The following ADCY2 variants were observed in gnomAD, a reference collection of about 807,000 sequenced individuals.
ADCY2 encodes adenylate cyclase 2.
In ADCY2, 31 loss-of-function variants were observed where a neutral mutation model predicts 125.2. The observed-to-expected ratio is 0.25, with a 90% confidence interval of 0.19 to 0.33. ADCY2 has a LOEUF of 0.33. ADCY2 is among the 10% of genes least tolerant of loss of function. The pLI is 1.00. For missense variants in ADCY2, 904 were observed against 1,418.2 expected (o/e 0.64, Z 5.82); for synonymous variants, 512 against 548.4 (o/e 0.93, Z 0.93).
chr5:7,505,215 T>G (rs1247956461), intron 2 of ADCY2, among the ~76,000 whole-genome samples: 1 of 152,198 alleles, frequency 6.6e-6, no homozygotes, highest in African/African-American at 2.4e-5. Flanking sequence ...CAAAGCCTGT[T>G]AAGTGTGTAG....
chr5:7,709,510 C>G lies in ADCY2; in HGVS notation c.1578+123C>G, dbSNP rs574770476. 8.4e-7 allele frequency: 1 copy of G among 1,188,158 alleles called. No homozygotes were observed. Among genetic ancestry groups the G allele is most frequent in the African/African-American group, 1.5e-5 (1 of 64,778 alleles). 73.6% of individuals were successfully genotyped at this position (1,188,158 alleles called of 1,614,324 possible). ...TAAGAAACAAACTTATCACCTTCTT[C>G]TTCTCAGAGAGGCCCTTATGAACAA... is the stretch of plus-strand genomic sequence containing the variant. On this transcript the variant is annotated intron_variant, in intron 10 of 24. Transcript: ENST00000338316. This position sits in a 1 kb window ranked among gnomAD's most constrained non-coding sequence, Gnocchi z 4.4.
In ADCY2 at chr5:7,828,698, A is replaced by G. The variant is rs961927663; in HGVS notation, c.*1827A>G. On this transcript the variant is annotated 3_prime_UTR_variant, in exon 25 of 25. Transcript: ENST00000338316. The stretch of plus-strand genomic sequence containing the variant: ...CAAAAACAGTGATTAAAGCAAGAGA[A>G]TTATTACAAGGGCTTTTCTCTTTCC... The G allele has an allele frequency of 6.6e-6, 1 of 152,346 alleles. No homozygotes were observed. The highest frequency in any genetic ancestry group is 2.4e-5 in the African/African-American group (1 of 41,446). 9.4% of individuals were successfully genotyped at this position (152,346 alleles called of 1,614,324 possible).
chr5:7,800,907 G>T, intron 20 of ADCY2: 1 of 152,186 alleles, frequency 6.6e-6, no homozygotes, highest in Non-Finnish European at 1.5e-5. Flanking sequence ...CAGAGAGAGA[G>T]AAAACACAAT....
chr5:7,462,473 A>G (rs977489898), intron 2 of ADCY2, among the ~76,000 whole-genome samples: 7 of 152,246 alleles, frequency 4.6e-5, no homozygotes, highest in Non-Finnish European at 8.8e-5. Context: ...TAAGCAATGT[A>G]GTTGACACTT....
chr5:7,506,302 T>C (rs1232679160), intron 2 of ADCY2, among the ~76,000 whole-genome samples: 2 of 152,188 alleles, frequency 1.3e-5, no homozygotes, highest in East Asian at 1.9e-4. Flanking sequence ...ATATAAAATA[T>C]GCAGACTATT....
chr5:7,417,483 A>G (rs1426629954), intron 2 of ADCY2, among the ~76,000 whole-genome samples: 1 of 152,174 alleles, frequency 6.6e-6, no homozygotes, highest in Non-Finnish European at 1.5e-5. Flanking sequence ...CAGGATTTCT[A>G]ATTGAGTGGG....
intron 2 of ADCY2, among the ~76,000 whole-genome samples, chr5:7,513,245 G>A (rs1369185217): frequency 6.6e-6 from 1 of 152,144 alleles, no homozygotes; most frequent in Non-Finnish European, 1.5e-5. Flanking sequence ...TGACAGTTTA[G>A]CATTAGACAT....
intron 2 of ADCY2, among the ~76,000 whole-genome samples, chr5:7,444,794 A>G (rs974544888): frequency 2.6e-5 from 4 of 152,144 alleles, no homozygotes; most frequent in Admixed American, 1.3e-4. Flanking sequence ...AGGTGAGTGC[A>G]TTATCACACA....
At chr5:7,635,897 C>T (rs57455470) in intron 4 of ADCY2, among the ~76,000 whole-genome samples, 6,396 of 152,240 alleles carry the variant, frequency 0.042, 430 homozygotes, top group African/African-American at 0.14. Flanking sequence ...CCTGCCCTGA[C>T]GGGGATCCTG....
intron 22 of ADCY2, among the ~76,000 whole-genome samples, chr5:7,813,579 T>G (rs1745008925): frequency 6.6e-6 from 1 of 152,264 alleles, no homozygotes; most frequent in South Asian, 2.1e-4. Context: ...AACTGCTTCA[T>G]ACTGCCATCA....
intron 14 of ADCY2, among the ~76,000 whole-genome samples, chr5:7,736,666 T>C (rs556508538): frequency 1.3e-5 from 2 of 152,186 alleles, no homozygotes; most frequent in South Asian, 4.1e-4. Flanking sequence ...TTAGGTCTAT[T>C]TGACCTGACT....
Position 7,727,254 on chromosome 5 carries a change from C to G in ADCY2, c.1864C>G (p.Leu622Val). 4 of 1,613,684 alleles carry G rather than the reference C, an allele frequency of 2.5e-6. No individual in the cohort carries two copies. Among genetic ancestry groups the G allele is most frequent in the African/African-American group, 1.3e-5 (1 of 75,040 alleles). ...CATCTTCATTGTGCAGATTCTCGTG[C>G]TGCCAAAGTAAGTACTTCTGGTTTC... is the stretch of plus-strand genomic sequence containing the variant. ...FCIFIVQILV[L>V]PKTSVLGISF... Residue 622 changes from leucine to valine, a missense_variant, in exon 14 of 25, where the codon CTG becomes GTG. Physicochemically the swap from Leu to Val is conservative, Grantham distance 32 (BLOSUM62 1). Coordinates refer to ENST00000338316, the MANE Select transcript of ADCY2 (RefSeq NM_020546.3).
At chr5:7,577,874 A>G (rs1736299355) in intron 3 of ADCY2, among the ~76,000 whole-genome samples, 2 of 152,180 alleles carry the variant, frequency 1.3e-5, no homozygotes, top group South Asian at 4.1e-4. Context: ...GAGTAAAAGG[A>G]AAGTCAAATT....
rs529751340 is a variant in ADCY2 at position 7,660,829 on chromosome 5, G to T, written c.721-29862G>T. On this transcript the variant is annotated intron_variant, in intron 4 of 24. Transcript: ENST00000338316. Reference sequence around the variant, plus strand: ...CACAGTGACATCTATACTACCATTTGCCCGAACAACTGGGCACAATGGCCT... The same window carrying T: ...CACAGTGACATCTATACTACCATTTTCCCGAACAACTGGGCACAATGGCCT... Among the ~76,000 whole-genome samples, 986 of 152,078 alleles carry T rather than the reference G, an allele frequency of 6.5e-3. 5 individuals carry two copies. The highest frequency in any genetic ancestry group is 0.01 in the Non-Finnish European group (705 of 67,998).
chr5:7,454,686 A>G (rs1202220687), intron 2 of ADCY2, among the ~76,000 whole-genome samples: 1 of 152,188 alleles, frequency 6.6e-6, no homozygotes. Context: ...CTCACAGAGA[A>G]TTCCAACTCT....
At chr5:7,626,048 G>C in intron 3 of ADCY2, 119 bp from the exon 4 acceptor site, 1 of 1,146,956 alleles carries the variant, frequency 8.7e-7, no homozygotes, top group South Asian at 1.6e-5. Context: ...GGAAACAGAA[G>C]TAAAATTAAC....
At position 7,778,175 on chromosome 5, in the gene ADCY2, G is replaced by A. The variant is rs1560983224; in HGVS notation, c.2384+5074G>A. On this transcript the variant is annotated intron_variant, in intron 18 of 24. Coordinates refer to ENST00000338316, the MANE Select transcript of ADCY2 (RefSeq NM_020546.3). ...ATAACAACTGATGTTGCTGGAAGCT[G>A]TTTTTGTCTCAAAGACACTTATCCT... 2.0e-5 allele frequency among the ~76,000 whole-genome samples: 3 copies of A among 152,242 alleles called. No homozygotes were observed. The South Asian group carries it at 6.2e-4, about 32-fold the overall frequency.
intron 12 of ADCY2, among the ~76,000 whole-genome samples, chr5:7,718,892 G>C (rs4324638): frequency 0.99 from 150,888 of 152,246 alleles, 74,782 homozygotes; most frequent in Middle Eastern, 1. Context: ...TGCTTTCACT[G>C]AAGCAGAGGA....
rs73046386 is a variant in ADCY2 at position 7,533,330 on chromosome 5, G to T, written c.570+12431G>T. Among the ~76,000 whole-genome samples the T allele has an allele frequency of 3.0e-3, 461 of 151,788 alleles. 4 individuals are homozygous for T. Among genetic ancestry groups the T allele is most frequent in the African/African-American group, 0.01 (434 of 41,450 alleles). Reference sequence around the variant, plus strand: ...TCCCTCTGTATTTGCGCTTGATTTTGCCTGGTTAGTTTCTTATTTTTGGGA... The same window carrying T: ...TCCCTCTGTATTTGCGCTTGATTTTTCCTGGTTAGTTTCTTATTTTTGGGA... On this transcript the variant is annotated intron_variant, in intron 3 of 24. Coordinates refer to ENST00000338316, the MANE Select transcript of ADCY2 (RefSeq NM_020546.3).
Sources: gnomAD v4.1 joint callset for allele counts (sites outside exome capture counted in the v4.1 genomes callset) on GRCh38, gnomAD v4.1.1 for gene constraint, Gnocchi (gnomAD v3.1) non-coding constraint, MANE v1.5 for transcripts, NCBI Gene and HGNC (gene_info 2026-07-23, HGNC 2026-07-21) for gene names.